Variants in LILRA2 observed in about 807,000 individuals in gnomAD.
The protein encoded by LILRA2 is leukocyte immunoglobulin like receptor A2, also known as leukocyte immunoglobulin-like receptor subfamily A member 2.
LILRA2 carries 45 observed loss-of-function variants against 47.9 expected under a neutral mutation model. That is an observed-to-expected ratio of 0.94 (90% confidence interval 0.74 to 1.20). The LOEUF (loss-of-function observed/expected upper bound fraction) is 1.20. Among genes scored for constraint, LILRA2 ranks in the 50% most tolerant of loss-of-function variants. The pLI is 0.00. For missense variants in LILRA2, 651 were observed against 598.2 expected, an observed-to-expected ratio of 1.09 and a Z score of -0.92; for synonymous variants, 279 against 249.2, an observed-to-expected ratio of 1.12 and a Z score of -1.13.
rs199807216 is a variant in LILRA2 at position 54,576,099 on chromosome 19, C to T, written c.1245C>T (p.Leu415=). The T allele has an allele frequency of 6.2e-6, 10 of 1,614,076 alleles. No individual in the cohort carries two copies. The highest frequency in any genetic ancestry group is 3.3e-5 in the Admixed American group (2 of 60,002). The change falls in exon 6 of 8, where the codon CTC becomes CTT. Residue 415 remains leucine (L), a synonymous_variant. Transcript: ENST00000391738. ...LLSLPSDPLE[L]VVSEAAETLS... ...CTCTCCCCAGTGACCCCCTGGAGCT[C>T]GTGGTCTCAGGTGAGGGCCCTGATC...
intron 6 of LILRA2, among the ~76,000 whole-genome samples, chr19:54,577,268 C>G (rs1288242776): frequency 2.6e-5 from 4 of 152,110 alleles, no homozygotes; most frequent in Non-Finnish European, 5.9e-5. Flanking sequence ...CTGCAGGACC[C>G]CCAGCCCCTG....
At chr19:54,579,283 G>T (rs28823036) in intron 6 of LILRA2, among the ~76,000 whole-genome samples, 5,668 of 152,142 alleles carry the variant, frequency 0.037, 420 homozygotes, top group East Asian at 0.29. Context: ...CTTAATTATC[G>T]TATAGGGTGT....
Position 54,588,992 on chromosome 19 carries a change from T to C in LILRA2, c.*1646T>C, listed in dbSNP as rs8106636. 0.17 allele frequency: 25,810 copies of C among 151,628 alleles called. 2,688 individuals carry two copies. Among genetic ancestry groups the C allele is most frequent in the East Asian group, 0.3 (1,550 of 5,106 alleles). 9.4% of individuals were successfully genotyped at this position (151,628 alleles called of 1,614,324 possible). A position where few individuals can be genotyped will look rare whatever the true frequency, so the allele number is the denominator to read the frequency against. On this transcript the variant is annotated 3_prime_UTR_variant, in exon 8 of 8. Coordinates refer to ENST00000391738, the MANE Select transcript of LILRA2 (RefSeq NM_001130917.3). ...ATGGAAGAATTCTTAAATGACTCGT[T>C]CTACTTTCTGCTGGTCCAGGCACTC...
chr19:54,583,001 A>G (rs757499971), intron 6 of LILRA2, among the ~76,000 whole-genome samples: 2 of 152,232 alleles, frequency 1.3e-5, no homozygotes, highest in Non-Finnish European at 2.9e-5. Flanking sequence ...GGTTCCAAAG[A>G]ACATCTTTAT....
In LILRA2 at chr19:54,575,654, G is replaced by T. The variant is rs972573559; in HGVS notation, c.952+102G>T. 6.6e-5 allele frequency: 103 copies of T among 1,571,170 alleles called. No homozygotes were observed. The African/African-American group carries it at 1.3e-3, about 19-fold the overall frequency. On this transcript the variant is annotated intron_variant, in intron 5 of 7. Transcript: ENST00000391738. ...CGGAATGAGGGTTGGGGGTCCCAAGGGAGGGAGAGACAGAGAGAGACAGGG... is the reference window on the plus strand; with the variant it reads ...CGGAATGAGGGTTGGGGGTCCCAAGTGAGGGAGAGACAGAGAGAGACAGGG...
Position 54,574,102 on chromosome 19 carries a change from G to C in LILRA2, c.61G>C (p.Val21Leu), listed in dbSNP as rs185914611. The change falls in exon 2 of 8, where the codon GTG (valine) becomes CTG (leucine). Residue 21 changes from valine to leucine, a missense_variant. Transcript: ENST00000391738. ...LGLSLGPRTH[V>L]QAGHLPKPTL... is the part of the protein sequence containing the mutation. ...GCTGAGTCTGGGCCCCAGGACCCACGTGCAGGCAGGTGAGTCTGTTCCCAG... is the reference window on the plus strand; with the variant it reads ...GCTGAGTCTGGGCCCCAGGACCCACCTGCAGGCAGGTGAGTCTGTTCCCAG... 9.9e-6 allele frequency: 16 copies of C among 1,614,230 alleles called. No homozygotes were observed. The highest frequency in any genetic ancestry group is 1.4e-5 in the Non-Finnish European group (16 of 1,180,032).
intron 6 of LILRA2, among the ~76,000 whole-genome samples, chr19:54,583,348 C>T (rs984545367): frequency 6.6e-6 from 1 of 152,004 alleles, no homozygotes; most frequent in African/African-American, 2.4e-5. Context: ...CCTTATGTGT[C>T]ATTGATCTAA....
At chr19:54,579,911 G>T (rs988088159) in intron 6 of LILRA2, among the ~76,000 whole-genome samples, 3 of 152,084 alleles carry the variant, frequency 2.0e-5, no homozygotes, top group Non-Finnish European at 4.4e-5. Context: ...CTCTCTGTTT[G>T]TCTATTATTG....
At chr19:54,573,425 C>T (rs189090377), upstream of LILRA2, 2,341 of 1,030,032 alleles carry the variant, frequency 2.3e-3, 23 homozygotes, top group African/African-American at 0.027. Flanking sequence ...GCTGGAGGGA[C>T]GACCGCCATG....
intron 6 of LILRA2, chr19:54,577,434 G>A (rs941615490): frequency 1.6e-6 from 2 of 1,262,920 alleles, no homozygotes; most frequent in African/African-American, 1.5e-5. Flanking sequence ...GATGGACAGT[G>A]TATTGGCAGC....
chr19:54,575,657 G>A lies in LILRA2; in HGVS notation c.952+105G>A, dbSNP rs1294004869. On this transcript the variant is annotated intron_variant, in intron 5 of 7. Transcript: ENST00000391738. ...AATGAGGGTTGGGGGTCCCAAGGGA[G>A]GGAGAGACAGAGAGAGACAGGGGAT... is the stretch of plus-strand genomic sequence containing the variant. 3 of 1,570,044 alleles carry A rather than the reference G, an allele frequency of 1.9e-6. No individual in the cohort carries two copies. The Admixed American group carries it at 5.9e-5, about 31-fold the overall frequency.
At chr19:54,575,684 G>C in intron 5 of LILRA2, 123 bp from the exon 6 acceptor site, 1 of 1,564,416 alleles carries the variant, frequency 6.4e-7, no homozygotes, top group South Asian at 1.2e-5. Flanking sequence ...ACAGGGGATG[G>C]GCGGGGAGGG....
upstream of LILRA2, chr19:54,573,758 A>G (rs920518754): frequency 1.7e-5 from 27 of 1,584,784 alleles, no homozygotes; most frequent in Admixed American, 3.6e-5. Context: ...GTGGTTGCAC[A>G]TAACAAAACC....
rs2062339922 is a variant in LILRA2 at position 54,574,940 on chromosome 19, A to T, written c.562A>T (p.Ser188Cys). ...AIFSVGPVSP[S>C]RRWSYRCYAY... ...CTTCTCCGTGGGCCCCGTGAGCCCG[A>T]GTCGCAGGTGGTCGTACAGGTGCTA... The change falls in exon 4 of 8, where the codon AGT (serine) becomes TGT (cysteine). Residue 188 changes from serine (S) to cysteine (C), a missense_variant. Ser to Cys is a moderately radical substitution (Grantham distance 112, BLOSUM62 -1). Coordinates refer to ENST00000391738, the MANE Select transcript of LILRA2 (RefSeq NM_001130917.3). 6.2e-7 allele frequency: 1 copy of T among 1,614,232 alleles called. No individual in the cohort carries two copies. Among genetic ancestry groups the T allele is most frequent in the Non-Finnish European group, 8.5e-7 (1 of 1,180,032 alleles).
intron 6 of LILRA2, among the ~76,000 whole-genome samples, chr19:54,582,716 CA>C (rs1472103430): frequency 4.6e-5 from 7 of 152,038 alleles, no homozygotes; most frequent in African/African-American, 1.7e-4. Flanking sequence ...TTGATCTTTT[CA>C]AAAAACCAGC....
At position 54,574,489 on chromosome 19, in the gene LILRA2, A is replaced by T. The variant is rs761541751; in HGVS notation, c.259A>T (p.Ile87Phe). 1 of 1,614,134 alleles carries T rather than the reference A, an allele frequency of 6.2e-7. No individual in the cohort carries two copies. The highest frequency in any genetic ancestry group is 8.5e-7 in the Non-Finnish European group (1 of 1,179,998). ...GKNGQFPIPS[I>F]TWEHAGRYHC... ...GAATGGCCAGTTCCCCATCCCATCC[A>T]TCACCTGGGAACACGCAGGGCGGTA... Residue 87 changes from isoleucine to phenylalanine, a missense_variant, in exon 3 of 8, where the codon ATC (isoleucine) becomes TTC (phenylalanine). Ile to Phe is a conservative substitution (Grantham distance 21). Coordinates refer to ENST00000391738, the MANE Select transcript of LILRA2 (RefSeq NM_001130917.3).
At chr19:54,577,156 AAAC>A (rs2062485982) in intron 6 of LILRA2, among the ~76,000 whole-genome samples, 3 of 66,678 alleles carry the variant, frequency 4.5e-5, no homozygotes, top group Admixed American at 4.1e-4. Flanking sequence ...ATTTTGGAAA[AAAC>A]AAAAGTTTAC....
intron 6 of LILRA2, among the ~76,000 whole-genome samples, chr19:54,579,267 T>A (rs1050763125): frequency 1.3e-5 from 2 of 152,216 alleles, no homozygotes; most frequent in Admixed American, 1.3e-4. Context: ...CTTTAATCCA[T>A]CTTGACTTAA....
rs148007080 is a variant in LILRA2 at position 54,579,122 on chromosome 19, A to T, written c.1255+3013A>T. 6.1e-4 allele frequency among the ~76,000 whole-genome samples: 93 copies of T among 152,042 alleles called. 2 individuals carry two copies. The East Asian group carries it at 0.015, about 25-fold the overall frequency. On this transcript the variant is annotated intron_variant, in intron 6 of 7. Transcript: ENST00000391738. The stretch of plus-strand genomic sequence containing the variant: ...TGCAGAAGCTCTTTAATTAGATCCC[A>T]TTTGTCTATTTTGGCTTTTGGTGCC...
Sources: gnomAD v4.1 joint callset for allele counts (sites outside exome capture counted in the v4.1 genomes callset) on GRCh38, gnomAD v4.1.1 for gene constraint, MANE v1.5 for transcripts, NCBI Gene and HGNC (gene_info 2026-07-23, HGNC 2026-07-21) for gene names.